ZNF804B: variants seen among roughly 807,000 people sequenced by gnomAD.
The protein encoded by ZNF804B is zinc finger protein 804B, also known as zinc finger 804B.
In ZNF804B, 80 loss-of-function variants were observed where a neutral mutation model predicts 101.4. That is an observed-to-expected ratio of 0.79 (90% confidence interval 0.66 to 0.95). ZNF804B has a LOEUF of 0.95. Ranked by LOEUF, ZNF804B falls within the 40% of genes least tolerant of loss-of-function variation. The probability of loss-of-function intolerance (pLI) is 0.00; values close to 1 mark genes in which losing one functional copy is unlikely to be tolerated. For missense variants in ZNF804B, 1,673 were observed against 1,561.9 expected (o/e 1.07, Z -1.20); for synonymous variants, 622 against 558.8 (o/e 1.11, Z -1.59).
intron 2 of ZNF804B, among the ~76,000 whole-genome samples, chr7:89,277,606 T>G (rs1395012616): frequency 6.7e-6 from 1 of 150,170 alleles, no homozygotes; most frequent in Non-Finnish European, 1.5e-5. Flanking sequence ...GGTGTTTGGT[T>G]TTTTGTTCTT....
intron 1 of ZNF804B, among the ~76,000 whole-genome samples, chr7:88,990,375 C>T (rs533138084): frequency 6.6e-6 from 1 of 152,158 alleles, no homozygotes; most frequent in Admixed American, 6.5e-5. Context: ...TACAGATACA[C>T]ACACATACTT....
intron 1 of ZNF804B, among the ~76,000 whole-genome samples, chr7:89,018,127 A>G (rs6977683): frequency 0.51 from 77,964 of 151,866 alleles, 20,934 homozygotes; most frequent in Middle Eastern, 0.64. Context: ...GTTTTTCCCT[A>G]TACAGTATGA....
chr7:89,111,016 C>T (rs2189062), intron 1 of ZNF804B, among the ~76,000 whole-genome samples: 2 of 152,008 alleles, frequency 1.3e-5, no homozygotes, highest in South Asian at 2.1e-4. Flanking sequence ...TCTTTCACTT[C>T]GTAATATGAT....
intron 1 of ZNF804B, among the ~76,000 whole-genome samples, chr7:88,867,378 A>G (rs1791742672): frequency 6.6e-6 from 1 of 152,264 alleles, no homozygotes; most frequent in Non-Finnish European, 1.5e-5. Flanking sequence ...TGAAAGCCAC[A>G]GAGTCCAAAG....
intron 1 of ZNF804B, among the ~76,000 whole-genome samples, chr7:88,899,104 C>T (rs1006678915): frequency 6.6e-6 from 1 of 152,128 alleles, no homozygotes; most frequent in African/African-American, 2.4e-5. Flanking sequence ...GTCCACAGTG[C>T]CAGAGCTTCT....
At chr7:89,207,950 T>C (rs1415489780) in intron 1 of ZNF804B, among the ~76,000 whole-genome samples, 1 of 152,218 alleles carries the variant, frequency 6.6e-6, no homozygotes, top group Non-Finnish European at 1.5e-5. Flanking sequence ...GGATATTGTC[T>C]GATTTTACTG....
chr7:88,961,647 T>C (rs1189028073), intron 1 of ZNF804B, among the ~76,000 whole-genome samples: 2 of 151,532 alleles, frequency 1.3e-5, no homozygotes, highest in African/African-American at 2.4e-5. Context: ...TCCATATCTC[T>C]TCACAGAATT....
chr7:89,099,131 G>A (rs910926707), intron 1 of ZNF804B, among the ~76,000 whole-genome samples: 2 of 150,428 alleles, frequency 1.3e-5, no homozygotes, highest in African/African-American at 4.9e-5. Context: ...AGGTGGCATG[G>A]GAATGGAATG....
chr7:89,119,971 T>A (rs943466517), intron 1 of ZNF804B, among the ~76,000 whole-genome samples: 45 of 151,352 alleles, frequency 3.0e-4, no homozygotes, highest in African/African-American at 5.8e-4. Context: ...TCTAAATATT[T>A]TTTTTTTTAA....
chr7:88,911,303 T>C (rs1010074336), intron 1 of ZNF804B, among the ~76,000 whole-genome samples: 1 of 151,752 alleles, frequency 6.6e-6, no homozygotes, highest in African/African-American at 2.4e-5. Context: ...AGCTTTGTAG[T>C]GTATGAATGT....
At chr7:88,801,022 A>G (rs1790572431) in intron 1 of ZNF804B, among the ~76,000 whole-genome samples, 1 of 150,140 alleles carries the variant, frequency 6.7e-6, no homozygotes, top group Non-Finnish European at 1.5e-5. Context: ...CTGACTGTCT[A>G]TTAGAATAAT....
intron 1 of ZNF804B, among the ~76,000 whole-genome samples, chr7:89,032,931 G>A (rs1788861112): frequency 6.6e-6 from 1 of 151,386 alleles, no homozygotes; most frequent in East Asian, 1.9e-4. Context: ...ACCTCAAATA[G>A]TTATCATGTT....
At chr7:89,254,521 T>C (rs2115796023) in intron 2 of ZNF804B, among the ~76,000 whole-genome samples, 1 of 151,500 alleles carries the variant, frequency 6.6e-6, no homozygotes, top group Non-Finnish European at 1.5e-5. Flanking sequence ...AATGCATGGA[T>C]AGTCCCTTAA....
intron 1 of ZNF804B, among the ~76,000 whole-genome samples, chr7:88,914,838 AT>A (rs1255203885): frequency 1.3e-5 from 2 of 152,166 alleles, no homozygotes; most frequent in Non-Finnish European, 2.9e-5. Context: ...TTATTAAGCA[AT>A]TTGTGTTGAG....
intron 1 of ZNF804B, among the ~76,000 whole-genome samples, chr7:88,772,955 G>A (rs1790091097): frequency 6.6e-6 from 1 of 152,174 alleles, no homozygotes; most frequent in Non-Finnish European, 1.5e-5. Context: ...GGCAGGAAAG[G>A]TGCTTTTGGC....
chr7:88,827,618 A>G (rs546683434), intron 1 of ZNF804B, among the ~76,000 whole-genome samples: 13 of 152,050 alleles, frequency 8.5e-5, no homozygotes, highest in African/African-American at 3.1e-4. Flanking sequence ...TCTGTACTTT[A>G]CTATCTTACT....
chr7:89,108,229 T>TA (rs1396147809), intron 1 of ZNF804B, among the ~76,000 whole-genome samples: 1 of 143,474 alleles, frequency 7.0e-6, no homozygotes, highest in African/African-American at 2.7e-5. Context: ...GCTGCTTTTT[T>TA]TTTTTTCTTT....
intron 2 of ZNF804B, among the ~76,000 whole-genome samples, chr7:89,233,329 C>A (rs1479831475): frequency 6.6e-6 from 1 of 152,128 alleles, no homozygotes; most frequent in Non-Finnish European, 1.5e-5. Context: ...TATGGGGAAC[C>A]AATAAAATTG....
chr7:88,907,232 G>T (rs1792486828), intron 1 of ZNF804B, among the ~76,000 whole-genome samples: 2 of 151,988 alleles, frequency 1.3e-5, no homozygotes, highest in East Asian at 3.8e-4. Context: ...GTGTTGTTAT[G>T]TGTGAGATAG....
Sources: gnomAD v4.1 joint callset for allele counts (sites outside exome capture counted in the v4.1 genomes callset) on GRCh38, gnomAD v4.1.1 for gene constraint, MANE v1.5 for transcripts, NCBI Gene and HGNC (gene_info 2026-07-23, HGNC 2026-07-21) for gene names.